DNAL1: variants seen among roughly 807,000 people sequenced by gnomAD.
The protein encoded by DNAL1 is chromosome 14 open reading frame 168.
Under a neutral mutation model 29.4 loss-of-function variants are expected in DNAL1, and 17 were observed. That is an observed-to-expected ratio of 0.58 (90% CI 0.40 to 0.87). The LOEUF (loss-of-function observed/expected upper bound fraction) is 0.87. Among genes scored for constraint, DNAL1 ranks in the 40% least tolerant of loss-of-function variants. DNAL1 has a pLI of 0.00. For missense variants in DNAL1, 188 were observed against 214.1 expected (o/e 0.88, Z 0.76); for synonymous variants, 78 against 76.3 (o/e 1.02, Z -0.12).
At chr14:73,689,663 T>C (rs1430186394) in intron 7 of DNAL1, 148 bp downstream of exon 7, 3 of 1,251,866 alleles carry the variant, frequency 2.4e-6, no homozygotes, top group Non-Finnish European at 3.4e-6. Context: ...ATGGTCTAGG[T>C]TTGAGCCAAG....
intron 7 of DNAL1, among the ~76,000 whole-genome samples, chr14:73,694,647 T>C (rs1001506025): frequency 2.6e-5 from 4 of 152,168 alleles, no homozygotes; most frequent in Non-Finnish European, 5.9e-5. Flanking sequence ...TTACACATTT[T>C]ATTGTGGGAA....
rs1026213679 is a variant in DNAL1 at position 73,687,221 on chromosome 14, T to G, written c.265-38T>G. On this transcript the variant is annotated intron_variant, in intron 5 of 7. Transcript: ENST00000553645. ...TAAAGAAGAAGACAGAAAGAAAAGC[T>G]TAAACATAAACATAAATCAAATTTT... 3 of 1,607,024 alleles carry G rather than the reference T, an allele frequency of 1.9e-6. No individual in the cohort carries two copies. In the East Asian group the frequency reaches 6.7e-5, roughly 36 times the overall value.
At chr14:73,687,126 A>G (rs1892038187) in intron 5 of DNAL1, 133 bp from the exon 6 acceptor site, 1 of 1,095,656 alleles carries the variant, frequency 9.1e-7, no homozygotes, top group Non-Finnish European at 1.3e-6. Flanking sequence ...CTCCCACACA[A>G]CTACTAGCTC....
intron 7 of DNAL1, among the ~76,000 whole-genome samples, chr14:73,694,897 C>G (rs546289713): frequency 1.3e-5 from 2 of 152,152 alleles, no homozygotes; most frequent in East Asian, 3.9e-4. Context: ...CCATGTTCGC[C>G]AGGCTGGTCT....
intron 5 of DNAL1, among the ~76,000 whole-genome samples, chr14:73,672,014 T>G (rs1891624692): frequency 6.6e-6 from 1 of 152,192 alleles, no homozygotes; most frequent in South Asian, 2.1e-4. Context: ...CATACTGAAA[T>G]TTTGTATGGC....
At chr14:73,668,382 G>A (rs1378624857) in intron 4 of DNAL1, among the ~76,000 whole-genome samples, 1 of 152,142 alleles carries the variant, frequency 6.6e-6, no homozygotes, top group African/African-American at 2.4e-5. Flanking sequence ...TATCGAATAA[G>A]CGTTTAATTC....
chr14:73,671,625 T>G, intron 5 of DNAL1, 28 bp downstream of exon 5: 1 of 1,412,658 alleles, frequency 7.1e-7, no homozygotes. Context: ...ATTATTTTAT[T>G]TATTTAATTT....
At chr14:73,646,178 G>A (rs1024867053) in intron 1 of DNAL1, among the ~76,000 whole-genome samples, 1 of 152,198 alleles carries the variant, frequency 6.6e-6, no homozygotes, top group African/African-American at 2.4e-5. Flanking sequence ...GGTGAAGAAA[G>A]GCTCAGACCT....
intron 2 of DNAL1, among the ~76,000 whole-genome samples, chr14:73,658,576 A>C (rs1378242158): frequency 6.6e-6 from 1 of 152,182 alleles, no homozygotes; most frequent in Non-Finnish European, 1.5e-5. Context: ...TTCAAATTTT[A>C]AATACCACAA....
intron 2 of DNAL1, among the ~76,000 whole-genome samples, chr14:73,657,683 T>C (rs905735227): frequency 1.3e-5 from 2 of 152,166 alleles, no homozygotes; most frequent in African/African-American, 2.4e-5. Flanking sequence ...AACCTCTGCC[T>C]CCCGGGTTCA....
chr14:73,675,447 G>A (rs939495575), intron 5 of DNAL1, among the ~76,000 whole-genome samples: 4 of 151,788 alleles, frequency 2.6e-5, no homozygotes, highest in Admixed American at 6.6e-5. Context: ...TTACAGGTGT[G>A]CACCACCTTG....
intron 5 of DNAL1, among the ~76,000 whole-genome samples, chr14:73,685,929 C>A (rs530858865): frequency 1.3e-5 from 2 of 152,230 alleles, no homozygotes; most frequent in African/African-American, 4.8e-5. Context: ...ACTTTCATTT[C>A]TTCTGAATAT....
rs146113856 is a variant in DNAL1, at chr14:73,691,129, G to A, written c.532+1614G>A. Reference sequence around the variant, plus strand: ...ACTGGAGATGATAATAGTATCATTAGTAATCATTTCAGAACATATATCAGA... The same window carrying A: ...ACTGGAGATGATAATAGTATCATTAATAATCATTTCAGAACATATATCAGA... On this transcript the variant is annotated intron_variant, in intron 7 of 7. Coordinates refer to ENST00000553645, the MANE Select transcript of DNAL1 (RefSeq NM_031427.4). 2.5e-3 allele frequency among the ~76,000 whole-genome samples: 383 copies of A among 152,296 alleles called. 3 individuals are homozygous for A. The highest frequency in any genetic ancestry group is 8.6e-3 in the African/African-American group (358 of 41,550).
chr14:73,694,134 G>A (rs897376087), intron 7 of DNAL1, among the ~76,000 whole-genome samples: 5 of 151,478 alleles, frequency 3.3e-5, no homozygotes, highest in African/African-American at 4.9e-5. Flanking sequence ...AGCTGGGCAC[G>A]GTGGCATGCA....
rs1892429573 is a variant in DNAL1 at position 73,701,263 on chromosome 14, A to C, written c.*5321A>C. The C allele has an allele frequency of 6.6e-6, 1 of 152,226 alleles. No individual in the cohort carries two copies. Among genetic ancestry groups the C allele is most frequent in the South Asian group, 2.1e-4 (1 of 4,834 alleles). The allele number at this position is 152,226 out of a possible 1,614,324, so 9.4% of individuals were successfully genotyped here. A position where few individuals can be genotyped will look rare whatever the true frequency, so the allele number is the denominator to read the frequency against. On this transcript the variant is annotated 3_prime_UTR_variant, in exon 8 of 8. Coordinates refer to ENST00000553645, the MANE Select transcript of DNAL1 (RefSeq NM_031427.4). ...TTCAGTAGATTTGCACTTTAAACTT[A>C]GGAACTGGATGTTGGTGGAAAGGAC...
chr14:73,654,226 G>T (rs1009372160), intron 1 of DNAL1, among the ~76,000 whole-genome samples: 1 of 152,054 alleles, frequency 6.6e-6, no homozygotes, highest in Admixed American at 6.6e-5. Context: ...GAAATAAGAT[G>T]TATTTTAATA....
intron 7 of DNAL1, among the ~76,000 whole-genome samples, chr14:73,692,880 A>C (rs984159270): frequency 1.3e-5 from 2 of 150,058 alleles, no homozygotes; most frequent in Non-Finnish European, 3.0e-5. Context: ...GCTGTCACCC[A>C]GGCTGGAGTG....
At chr14:73,682,171 C>CTTTTTTTT (rs755777316) in intron 5 of DNAL1, among the ~76,000 whole-genome samples, 1 of 129,588 alleles carries the variant, frequency 7.7e-6, no homozygotes, top group Non-Finnish European at 1.6e-5. Context: ...CTTACTGTAA[C>CTTTTTTTT]TTTTTTTTTT....
Position 73,698,813 on chromosome 14 carries a change from A to G in DNAL1, c.*2871A>G, listed in dbSNP as rs1860576. Reference sequence around the variant, plus strand: ...GTCCAGTATTTTAGTTTTTCACAGCAAATTTGATTTTAGTCTACCAAGGAG... The same window carrying G: ...GTCCAGTATTTTAGTTTTTCACAGCGAATTTGATTTTAGTCTACCAAGGAG... On this transcript the variant is annotated 3_prime_UTR_variant, in exon 8 of 8. Transcript: ENST00000553645. 0.82 allele frequency: 125,456 copies of G among 152,144 alleles called. 52,433 individuals carry two copies. The highest frequency in any genetic ancestry group is 0.95 in the African/African-American group (39,251 of 41,518). 9.4% of individuals were successfully genotyped at this position (152,144 alleles called of 1,614,324 possible).
Sources: gnomAD v4.1 joint callset for allele counts (sites outside exome capture counted in the v4.1 genomes callset) on GRCh38, gnomAD v4.1.1 for gene constraint, MANE v1.5 for transcripts, NCBI Gene and HGNC (gene_info 2026-07-23, HGNC 2026-07-21) for gene names.